The following PGPEP1L variants were observed in gnomAD, a reference collection of about 807,000 sequenced individuals.
The protein encoded by PGPEP1L is pyroglutamyl-peptidase I like, also known as pyroglutamyl-peptidase 1-like protein.
A neutral mutation model predicts 6.0 loss-of-function variants in PGPEP1L; 7 were observed. That is an observed-to-expected ratio of 1.17 (90% CI 0.66 to 2.19). PGPEP1L has a LOEUF of 2.19. Ranked by LOEUF, PGPEP1L falls within the 30% of genes most tolerant of loss-of-function variation. The pLI, the probability that PGPEP1L is intolerant of heterozygous loss-of-function variation, is 0.00. For synonymous variants in PGPEP1L, 103 were observed against 83.9 expected, an observed-to-expected ratio of 1.23 and a Z score of -1.24; for missense variants, 209 against 192.5, an observed-to-expected ratio of 1.09 and a Z score of -0.51.
At chr15:98,984,897 G>A (rs1010190723) in intron 2 of PGPEP1L, among the ~76,000 whole-genome samples, 3 of 152,068 alleles carry the variant, frequency 2.0e-5, no homozygotes, top group Non-Finnish European at 4.4e-5. Context: ...AGACAAACTC[G>A]ACTGGCAGAG....
chr15:98,969,059 G>A (rs183250747), intron 4 of PGPEP1L, among the ~76,000 whole-genome samples: 9 of 152,350 alleles, frequency 5.9e-5, no homozygotes, highest in Admixed American at 4.6e-4. Context: ...AGAAACAAAG[G>A]TAAATCAATC....
chr15:98,975,596 T>TA (rs370047740), intron 2 of PGPEP1L, among the ~76,000 whole-genome samples: 114 of 152,254 alleles, frequency 7.5e-4, no homozygotes, highest in Non-Finnish European at 1.5e-3. Flanking sequence ...ATATGTACGA[T>TA]TGGCCTGGGC....
intron 2 of PGPEP1L, among the ~76,000 whole-genome samples, chr15:99,002,691 A>C (rs1305740642): frequency 6.6e-6 from 1 of 152,164 alleles, no homozygotes; most frequent in African/African-American, 2.4e-5. Flanking sequence ...CCTGTGTGGG[A>C]GACTAGCCAG....
At chr15:99,004,695 C>A (rs1224939064) in intron 2 of PGPEP1L, among the ~76,000 whole-genome samples, 1 of 152,076 alleles carries the variant, frequency 6.6e-6, no homozygotes, top group African/African-American at 2.4e-5. Flanking sequence ...TCTAGCCTAG[C>A]GACAGAACAA....
chr15:98,968,892 G>GCCTCATGA (rs553729748), intron 4 of PGPEP1L, among the ~76,000 whole-genome samples, 195 bp from the exon 5 acceptor site: 5 of 152,232 alleles, frequency 3.3e-5, no homozygotes, highest in Non-Finnish European at 5.9e-5. Context: ...TGGCCTCATG[G>GCCTCATGA]CCTCATGACC....
chr15:98,972,088 C>A (rs2017505608), intron 2 of PGPEP1L, among the ~76,000 whole-genome samples: 2 of 152,182 alleles, frequency 1.3e-5, no homozygotes, highest in Non-Finnish European at 1.5e-5. Context: ...CATGGTGGTT[C>A]ACACCTGTAA....
At chr15:98,999,770 T>TCCA (rs2017934492) in intron 2 of PGPEP1L, among the ~76,000 whole-genome samples, 1 of 152,228 alleles carries the variant, frequency 6.6e-6, no homozygotes, top group Non-Finnish European at 1.5e-5. Flanking sequence ...CATCAAAATG[T>TCCA]CCATCAACTG....
At chr15:98,982,078 T>G (rs554373663) in intron 2 of PGPEP1L, among the ~76,000 whole-genome samples, 2 of 152,376 alleles carry the variant, frequency 1.3e-5, no homozygotes, top group East Asian at 3.9e-4. Context: ...CACTTGTCTG[T>G]GAATAGCAAA....
intron 2 of PGPEP1L, among the ~76,000 whole-genome samples, chr15:98,984,194 C>G: frequency 6.6e-6 from 1 of 151,836 alleles, no homozygotes; most frequent in Admixed American, 6.6e-5. Context: ...TGTATTTTAG[C>G]AGAGACAGAG....
chr15:98,989,372 G>T (rs1272131500), intron 2 of PGPEP1L, among the ~76,000 whole-genome samples: 1 of 152,164 alleles, frequency 6.6e-6, no homozygotes, highest in African/African-American at 2.4e-5. Flanking sequence ...TCAAGTGGAA[G>T]AAAGGATATC....
intron 2 of PGPEP1L, among the ~76,000 whole-genome samples, chr15:98,972,590 C>T (rs2017513301): frequency 6.6e-6 from 1 of 151,852 alleles, no homozygotes; most frequent in South Asian, 2.1e-4. Context: ...TGCAGTGGGC[C>T]GGGCACAGTG....
At chr15:99,002,665 A>T (rs1341150024) in intron 2 of PGPEP1L, among the ~76,000 whole-genome samples, 3 of 135,790 alleles carry the variant, frequency 2.2e-5, no homozygotes, top group Admixed American at 2.1e-4. Flanking sequence ...AAAAAGTTTT[A>T]AAAAGTGTGT....
In PGPEP1L at chr15:98,968,573, T is replaced by C. The variant is rs777850839; in HGVS notation, c.334A>G (p.Ile112Val). Residue 112 changes from isoleucine to valine, a missense_variant, in exon 5 of 5, where the codon ATC becomes GTC. Ile to Val is a conservative substitution (Grantham distance 29, BLOSUM62 3). Coordinates refer to ENST00000535714, the MANE Select transcript of PGPEP1L (RefSeq NM_001167902.2). The part of the protein sequence containing the change: ...ASLLGRALRV[I>V]IQEMLEEVGK... The stretch of plus-strand genomic sequence containing the variant: ...ACCTCTTCCAGCATTTCCTGGATGA[T>C]GACTCTCAAGGCTCTTCCCAGCAGG... 6 of 1,579,556 alleles carry C rather than the reference T, an allele frequency of 3.8e-6. No individual in the cohort carries two copies. Among genetic ancestry groups the C allele is most frequent in the Middle Eastern group, 1.7e-4 (1 of 6,000 alleles).
chr15:98,972,987 T>C (rs542503415), intron 2 of PGPEP1L, among the ~76,000 whole-genome samples: 16 of 149,126 alleles, frequency 1.1e-4, no homozygotes, highest in African/African-American at 3.7e-4. Context: ...TAAAAAGATA[T>C]GCACAGACTA....
At chr15:99,002,476 AG>A (rs1809511020) in intron 2 of PGPEP1L, among the ~76,000 whole-genome samples, 1 of 148,860 alleles carries the variant, frequency 6.7e-6, no homozygotes. Context: ...AAGCTACACT[AG>A]CTGAAATTAC....
intron 2 of PGPEP1L, among the ~76,000 whole-genome samples, chr15:98,996,289 G>C (rs1350713956): frequency 6.6e-6 from 1 of 152,166 alleles, no homozygotes; most frequent in Non-Finnish European, 1.5e-5. Context: ...TCATTCAAGA[G>C]AAATTGCATA....
At chr15:98,973,377 C>G (rs1009234437) in intron 2 of PGPEP1L, among the ~76,000 whole-genome samples, 1 of 152,228 alleles carries the variant, frequency 6.6e-6, no homozygotes, top group Non-Finnish European at 1.5e-5. Flanking sequence ...CAGACGTTTA[C>G]AGAACACTCC....
chr15:98,993,026 C>T (rs1337187717), intron 2 of PGPEP1L, among the ~76,000 whole-genome samples: 1 of 152,118 alleles, frequency 6.6e-6, no homozygotes, highest in African/African-American at 2.4e-5. Context: ...TAGACAATAC[C>T]ATTCAGGACA....
At chr15:98,998,141 G>A (rs1267833981) in intron 2 of PGPEP1L, 1 of 152,624 alleles carries the variant, frequency 6.6e-6, no homozygotes, top group Non-Finnish European at 1.5e-5. Context: ...AATTCACCAA[G>A]TGCTGCCGGA....
Sources: gnomAD v4.1 joint callset for allele counts (sites outside exome capture counted in the v4.1 genomes callset) on GRCh38, gnomAD v4.1.1 for gene constraint, MANE v1.5 for transcripts, NCBI Gene and HGNC (gene_info 2026-07-23, HGNC 2026-07-21) for gene names.